Variants in KCNJ6 observed in about 807,000 individuals in gnomAD.
KCNJ6 encodes potassium inwardly rectifying channel subfamily J member 6.
Under a neutral mutation model 34.2 loss-of-function variants are expected in KCNJ6, and 9 were observed. That is an observed-to-expected ratio of 0.26 (90% confidence interval 0.16 to 0.46). The LOEUF is 0.46. Among genes scored for constraint, KCNJ6 ranks in the 20% least tolerant of loss-of-function variants. The pLI, the probability that KCNJ6 is intolerant of heterozygous loss-of-function variation, is 1.00. For missense variants in KCNJ6, 236 were observed against 531.3 expected (o/e 0.44, Z 5.46); for synonymous variants, 196 against 207.1 (o/e 0.95, Z 0.46).
At chr21:37,715,152 AAAG>A (rs768802558) in intron 2 of KCNJ6, 21 bp from the exon 3 acceptor site, 2 of 1,590,844 alleles carry the variant, frequency 1.3e-6, no homozygotes, top group Admixed American at 1.8e-5. Context: ...GGAGAAAAGA[AAAG>A]AAACACTGAA....
rs2054280400 is a variant in KCNJ6 at position 37,618,486 on chromosome 21, A to G, written c.*6673T>C. The G allele has an allele frequency of 6.6e-6, 1 of 152,234 alleles. No homozygotes were observed. The highest frequency in any genetic ancestry group is 1.5e-5 in the Non-Finnish European group (1 of 68,050). 9.4% of individuals were successfully genotyped at this position (152,234 alleles called of 1,614,324 possible). ...GTAGCAGATATTTACATTGCCTGAGAAAAACAGCCCTTCATATTCTTATAA... is the reference window on the plus strand; with the variant it reads ...GTAGCAGATATTTACATTGCCTGAGGAAAACAGCCCTTCATATTCTTATAA... On this transcript the variant is annotated 3_prime_UTR_variant, in exon 4 of 4. Transcript: ENST00000609713.
At chr21:37,885,529 C>G (rs1213085447) in intron 1 of KCNJ6, among the ~76,000 whole-genome samples, 1 of 152,152 alleles carries the variant, frequency 6.6e-6, no homozygotes, top group African/African-American at 2.4e-5. Context: ...CAAAGTGACC[C>G]CATTCTTCCT....
intron 2 of KCNJ6, among the ~76,000 whole-genome samples, chr21:37,759,633 T>G (rs1174492092): frequency 6.6e-6 from 1 of 152,204 alleles, no homozygotes; most frequent in African/African-American, 2.4e-5. Flanking sequence ...CCTGTCTAAG[T>G]AGCACTGTTG....
intron 2 of KCNJ6, among the ~76,000 whole-genome samples, chr21:37,764,137 G>A (rs1024388519): frequency 3.9e-5 from 6 of 152,146 alleles, no homozygotes; most frequent in African/African-American, 1.2e-4. Flanking sequence ...GACAGTCGCT[G>A]CTATGCCTTT....
At chr21:37,768,969 GGA>G (rs1303868000) in intron 2 of KCNJ6, among the ~76,000 whole-genome samples, 8 of 152,204 alleles carry the variant, frequency 5.3e-5, no homozygotes, top group African/African-American at 1.9e-4. Flanking sequence ...GGTGTGTTTA[GGA>G]GAAAGTACCA....
At chr21:37,827,723 T>C (rs1316411252) in intron 2 of KCNJ6, among the ~76,000 whole-genome samples, 2 of 152,204 alleles carry the variant, frequency 1.3e-5, no homozygotes, top group Admixed American at 1.3e-4. Context: ...ATGTTTTATA[T>C]GCATTATATA....
chr21:37,859,491 A>ACT (rs2055582598), intron 1 of KCNJ6, among the ~76,000 whole-genome samples: 2 of 10,934 alleles, frequency 1.8e-4, no homozygotes. Context: ...ATTACTTTAT[A>ACT]TATATATATA....
chr21:37,752,476 A>G (rs2055001131), intron 2 of KCNJ6, among the ~76,000 whole-genome samples: 2 of 152,204 alleles, frequency 1.3e-5, no homozygotes, highest in Non-Finnish European at 2.9e-5. Flanking sequence ...AACAGCAGCA[A>G]AAGCCGAGAG....
At chr21:37,677,767 T>C (rs2054571385) in intron 3 of KCNJ6, among the ~76,000 whole-genome samples, 1 of 2,174 alleles carries the variant, frequency 4.6e-4, no homozygotes, top group South Asian at 0.019. Context: ...CACCAAACCA[T>C]TTGTCCATCC....
intron 2 of KCNJ6, among the ~76,000 whole-genome samples, chr21:37,829,511 G>A (rs763632975): frequency 5.9e-5 from 9 of 152,110 alleles, no homozygotes; most frequent in Non-Finnish European, 1.3e-4. Context: ...AACACATCCT[G>A]CTGCTGGGTG....
intron 1 of KCNJ6, among the ~76,000 whole-genome samples, chr21:37,911,879 G>T (rs2055868589): frequency 6.6e-6 from 1 of 152,060 alleles, no homozygotes; most frequent in Non-Finnish European, 1.5e-5. Flanking sequence ...TTCCATAAGG[G>T]TATTTTATTT....
chr21:37,881,826 G>A (rs2055709990), intron 1 of KCNJ6, among the ~76,000 whole-genome samples: 1 of 152,104 alleles, frequency 6.6e-6, no homozygotes, highest in South Asian at 2.1e-4. Flanking sequence ...AACCTTGTGG[G>A]GACATGAACA....
chr21:37,704,273 C>T (rs1300764450), intron 3 of KCNJ6, among the ~76,000 whole-genome samples: 5 of 116,580 alleles, frequency 4.3e-5, no homozygotes, highest in Admixed American at 2.7e-4. Context: ...CATATTTGTT[C>T]CCCTGAGGTT....
intron 1 of KCNJ6, among the ~76,000 whole-genome samples, chr21:37,864,877 T>C (rs1016004142): frequency 4.0e-5 from 6 of 151,656 alleles, no homozygotes; most frequent in Non-Finnish European, 7.4e-5. Flanking sequence ...CTCTCTTTTT[T>C]TTTTTTTTTT....
At chr21:37,740,547 T>C (rs2054936095) in intron 2 of KCNJ6, among the ~76,000 whole-genome samples, 1 of 152,218 alleles carries the variant, frequency 6.6e-6, no homozygotes, top group Non-Finnish European at 1.5e-5. Flanking sequence ...TGAACCAATG[T>C]ATTTCTGAAA....
intron 2 of KCNJ6, among the ~76,000 whole-genome samples, chr21:37,730,344 G>C (rs572068341): frequency 6.6e-6 from 1 of 152,158 alleles, no homozygotes; most frequent in African/African-American, 2.4e-5. Context: ...GGTGGGCCTG[G>C]GTTGGAATCC....
chr21:37,659,717 A>G (rs2054479663), intron 3 of KCNJ6, among the ~76,000 whole-genome samples: 1 of 152,202 alleles, frequency 6.6e-6, no homozygotes, highest in Non-Finnish European at 1.5e-5. Flanking sequence ...TGCCTGGACC[A>G]CAATCATCCC....
intron 2 of KCNJ6, among the ~76,000 whole-genome samples, chr21:37,826,686 C>T (rs180691545): frequency 6.6e-4 from 101 of 152,106 alleles, no homozygotes; most frequent in Non-Finnish European, 1.1e-3. Flanking sequence ...ATGCAACTCT[C>T]GATTTACTCA....
Position 37,783,839 on chromosome 21 carries a change from G to C in KCNJ6, c.25+56819C>G, listed in dbSNP as rs551213910. ...TTTTAGGATTAGTGTACTTTAATAA[G>C]AGACACCAGACAACTCTGAATCTCT... On this transcript the variant is annotated intron_variant, in intron 2 of 3. Coordinates refer to ENST00000609713, the MANE Select transcript of KCNJ6 (RefSeq NM_002240.5). 9.9e-5 allele frequency among the ~76,000 whole-genome samples: 15 copies of C among 152,284 alleles called. No homozygotes were observed. In the South Asian group the frequency reaches 2.1e-3, roughly 21 times the overall value.
Sources: gnomAD v4.1 joint callset for allele counts (sites outside exome capture counted in the v4.1 genomes callset) on GRCh38, gnomAD v4.1.1 for gene constraint, MANE v1.5 for transcripts, NCBI Gene and HGNC (gene_info 2026-07-23, HGNC 2026-07-21) for gene names.